Variants in TBC1D19 observed in about 807,000 individuals in gnomAD.
TBC1D19 encodes the protein TBC1 domain family member 19.
A neutral mutation model predicts 89.0 loss-of-function variants in TBC1D19; 60 were observed. The observed-to-expected ratio is 0.67, with a 90% CI of 0.55 to 0.84. The LOEUF (loss-of-function observed/expected upper bound fraction) is 0.84. TBC1D19 is among the 40% of genes least tolerant of loss of function. TBC1D19 has a pLI of 0.00. For synonymous variants in TBC1D19, 189 were observed against 199.7 expected (o/e 0.95, Z 0.45); for missense variants, 500 against 610.8 (o/e 0.82, Z 1.91).
At chr4:26,756,237 C>T (rs1297482036), downstream of TBC1D19, among the ~76,000 whole-genome samples, 1 of 152,078 alleles carries the variant, frequency 6.6e-6, no homozygotes, top group East Asian at 1.9e-4. Context: ...AGTTATAATC[C>T]TATGCTTTGT....
chr4:26,721,993 C>G (rs1278484173), intron 15 of TBC1D19, among the ~76,000 whole-genome samples: 1 of 152,096 alleles, frequency 6.6e-6, no homozygotes, highest in Non-Finnish European at 1.5e-5. Context: ...CTCTAGACTC[C>G]CATAGTACCT....
the TBC1D19 span, among the ~76,000 whole-genome samples, chr4:26,795,276 A>C: frequency 1.3e-5 from 2 of 152,078 alleles, no homozygotes; most frequent in Non-Finnish European, 2.9e-5. Flanking sequence ...CTCTTGGCTT[A>C]AATGTCACTT....
At chr4:26,717,884 G>T in intron 13 of TBC1D19, 49 bp from the exon 14 acceptor site, 1 of 1,463,274 alleles carries the variant, frequency 6.8e-7, no homozygotes, top group South Asian at 1.2e-5. Context: ...GAATTACCTG[G>T]TTTTATAATA....
the TBC1D19 span, among the ~76,000 whole-genome samples, chr4:26,801,697 G>A: frequency 6.6e-6 from 1 of 152,050 alleles, no homozygotes; most frequent in African/African-American, 2.4e-5. Context: ...ACAGTGGTTT[G>A]TAGTTCTCCT....
At chr4:26,642,760 A>G (rs1415549993) in intron 7 of TBC1D19, among the ~76,000 whole-genome samples, 1 of 152,222 alleles carries the variant, frequency 6.6e-6, no homozygotes, top group Non-Finnish European at 1.5e-5. Flanking sequence ...GGAAAGCACA[A>G]AAAGAGCAGG....
the TBC1D19 span, among the ~76,000 whole-genome samples, chr4:26,841,986 A>G: frequency 6.6e-6 from 1 of 152,254 alleles, no homozygotes; most frequent in African/African-American, 2.4e-5. Context: ...AAAACTCACC[A>G]TGACATGTTG....
At chr4:26,647,861 G>T (rs1014754414) in intron 7 of TBC1D19, among the ~76,000 whole-genome samples, 1 of 151,816 alleles carries the variant, frequency 6.6e-6, no homozygotes, top group African/African-American at 2.4e-5. Context: ...GGTTTCACTG[G>T]CTCTTCTGCT....
intron 4 of TBC1D19, among the ~76,000 whole-genome samples, chr4:26,632,078 A>G (rs188485097): frequency 7.5e-4 from 114 of 152,232 alleles, no homozygotes; most frequent in African/African-American, 2.4e-3. Context: ...AATATTCAAC[A>G]TCTTGTCTAG....
chr4:26,733,872 T>G (rs541632166), intron 15 of TBC1D19, among the ~76,000 whole-genome samples: 3 of 152,048 alleles, frequency 2.0e-5, no homozygotes, highest in Non-Finnish European at 4.4e-5. Context: ...GGAGGGAAAA[T>G]GATTAGAGAT....
At chr4:26,621,316 C>T (rs1218786123) in intron 4 of TBC1D19, among the ~76,000 whole-genome samples, 3 of 152,212 alleles carry the variant, frequency 2.0e-5, no homozygotes, top group Non-Finnish European at 4.4e-5. Context: ...CTCACCTCCC[C>T]TCAGTCCAGT....
Position 26,739,849 on chromosome 4 carries a change from A to G in TBC1D19, c.1118-15A>G. 1 of 1,468,280 alleles carries G rather than the reference A, an allele frequency of 6.8e-7. No individual in the cohort carries two copies. Among genetic ancestry groups the G allele is most frequent in the Non-Finnish European group, 9.2e-7 (1 of 1,082,720 alleles). 91.0% of individuals were successfully genotyped at this position (1,468,280 alleles called of 1,614,324 possible). A position where few individuals can be genotyped will look rare whatever the true frequency, so the allele number is the denominator to read the frequency against. ...AGTAGTTCTGCAGTATTATAAATTA[A>G]TTTTTTTCTTTCAGTTGCACCACTT... On this transcript the variant is annotated splice_polypyrimidine_tract_variant and intron_variant, in intron 16 of 20. Coordinates refer to ENST00000264866, the MANE Select transcript of TBC1D19 (RefSeq NM_018317.4).
At chr4:26,763,252 G>C in the TBC1D19 span, among the ~76,000 whole-genome samples, 1 of 152,090 alleles carries the variant, frequency 6.6e-6, no homozygotes, top group East Asian at 1.9e-4. Flanking sequence ...AATTTAACCT[G>C]AAAGACTGGT....
At chr4:26,838,822 A>T in the TBC1D19 span, among the ~76,000 whole-genome samples, 1 of 152,228 alleles carries the variant, frequency 6.6e-6, no homozygotes, top group African/African-American at 2.4e-5. Flanking sequence ...TAATTCTGGT[A>T]AGTTCCACTT....
chr4:26,666,433 T>TA, intron 9 of TBC1D19, 28 bp downstream of exon 9: 3 of 1,577,420 alleles, frequency 1.9e-6, no homozygotes, highest in Non-Finnish European at 2.6e-6. Context: ...GGCATATAAT[T>TA]AATGATAAAT....
At chr4:26,722,530 G>A (rs1717045825) in intron 15 of TBC1D19, among the ~76,000 whole-genome samples, 1 of 152,088 alleles carries the variant, frequency 6.6e-6, no homozygotes, top group South Asian at 2.1e-4. Flanking sequence ...GGAAAATACA[G>A]GAGCTATAAA....
Position 26,656,987 on chromosome 4 carries a change from T to TCTTCTTCTCCTTCTCCTTCTCCTTCTC in TBC1D19, c.481-2605_481-2604insTCTCCTTCTCCTTCTCCTTCTCCTTCT, listed in dbSNP as rs67034832. On this transcript the variant is annotated intron_variant, in intron 7 of 20. Coordinates refer to ENST00000264866, the MANE Select transcript of TBC1D19 (RefSeq NM_018317.4). ...TTCTTCTTCTTCTTCTTCTTCTTCTTCTTCTCCTTCTCCTTCTCCTTCTCC... is the reference window on the plus strand; with the variant it reads ...TTCTTCTTCTTCTTCTTCTTCTTCTTCTTCTTCTCCTTCTCCTTCTCCTTCTCCTTCTCCTTCTCCTTCTCCTTCTCC... Among the ~76,000 whole-genome samples the TCTTCTTCTCCTTCTCCTTCTCCTTCTC allele has an allele frequency of 9.5e-4, 17 of 17,818 alleles. No individual in the cohort carries two copies. The South Asian group carries it at 0.012, about 12-fold the overall frequency. The allele number at this position is 17,818 out of a possible 152,430, so 11.7% of individuals were successfully genotyped here.
At chr4:26,726,173 A>G (rs1428520632) in intron 15 of TBC1D19, among the ~76,000 whole-genome samples, 2 of 142,300 alleles carry the variant, frequency 1.4e-5, no homozygotes, top group East Asian at 4.1e-4. Context: ...ACACACACAC[A>G]CACACATCAG....
At chr4:26,765,187 G>A in the TBC1D19 span, among the ~76,000 whole-genome samples, 4 of 152,096 alleles carry the variant, frequency 2.6e-5, no homozygotes, top group Non-Finnish European at 2.9e-5. Context: ...GAACCAGATG[G>A]CATGAGCCTC....
chr4:26,795,208 G>T, the TBC1D19 span, among the ~76,000 whole-genome samples: 2 of 152,118 alleles, frequency 1.3e-5, no homozygotes, highest in Non-Finnish European at 2.9e-5. Context: ...CCCTTGACCA[G>T]ATTTCCTCGT....
Sources: gnomAD v4.1 joint callset for allele counts (sites outside exome capture counted in the v4.1 genomes callset) on GRCh38, gnomAD v4.1.1 for gene constraint, MANE v1.5 for transcripts, NCBI Gene and HGNC (gene_info 2026-07-23, HGNC 2026-07-21) for gene names.